The following ENTPD2 variants were observed in gnomAD, a reference collection of about 807,000 sequenced individuals.
ENTPD2 encodes the protein ectonucleoside triphosphate diphosphohydrolase 2.
Under a neutral mutation model 46.8 loss-of-function variants are expected in ENTPD2, and 48 were observed. That is an observed-to-expected ratio of 1.03 (90% CI 0.81 to 1.30). ENTPD2 has a LOEUF of 1.30. ENTPD2 is among the 50% of genes most tolerant of loss of function. ENTPD2 has a pLI of 0.00. For missense variants in ENTPD2, 707 were observed against 651.1 expected, an observed-to-expected ratio of 1.09 and a Z score of -0.93; for synonymous variants, 316 against 286.1, an observed-to-expected ratio of 1.10 and a Z score of -1.06.
In ENTPD2 at chr9:137,048,402, C is replaced by T. The variant is rs1244381318; in HGVS notation, c.*255G>A. On this transcript the variant is annotated 3_prime_UTR_variant, in exon 9 of 9. Transcript: ENST00000355097. ...GGTACCAGAGTCTCAGTTCCTATTT[C>T]CTGGGCTGCCTTAGGGGCAGAGACG... The T allele has an allele frequency of 2.2e-6, 1 of 458,914 alleles. No individual in the cohort carries two copies. Among genetic ancestry groups the T allele is most frequent in the East Asian group, 4.2e-5 (1 of 23,864 alleles). 28.4% of individuals were successfully genotyped at this position (458,914 alleles called of 1,614,324 possible). A position where few individuals can be genotyped will look rare whatever the true frequency, so the allele number is the denominator to read the frequency against.
Position 137,051,123 on chromosome 9 carries a change from A to G in ENTPD2, c.553T>C (p.Trp185Arg). 6.2e-7 allele frequency: 1 copy of G among 1,612,778 alleles called. No individual in the cohort carries two copies. Residue 185 changes from tryptophan (W) to arginine (R), a missense_variant, in exon 5 of 9, where the codon TGG becomes CGG. Trp to Arg is a moderately radical substitution (Grantham distance 101, BLOSUM62 -3). Transcript: ENST00000355097. ...YLLENFIKYGWVGRWFRPRKG... is the reference protein window; with the variant it reads ...YLLENFIKYGRVGRWFRPRKG... Reference sequence around the variant, plus strand: ...CGTGGCCGGAACCACCGGCCCACCCAGCCGTACTGTGGAGAGGGGAGTGTG... The same window carrying G: ...CGTGGCCGGAACCACCGGCCCACCCGGCCGTACTGTGGAGAGGGGAGTGTG...
chr9:137,048,749 C>G lies in ENTPD2; in HGVS notation c.1396G>C (p.Val466Leu). ...RKGTDFSSWVVLLLLFASALL... is the reference protein window; with the variant it reads ...RKGTDFSSWVLLLLLFASALL... ...GCGGAGGCGAAGAGCAGCAGGAGGA[C>G]GACCCAGGAGCTGAAGTCTGTGCCC... Residue 466 changes from valine to leucine, a missense_variant, in exon 9 of 9, where the codon GTC becomes CTC. Coordinates refer to ENST00000355097, the MANE Select transcript of ENTPD2 (RefSeq NM_203468.3). 6.2e-7 allele frequency: 1 copy of G among 1,603,562 alleles called. No individual in the cohort carries two copies. The highest frequency in any genetic ancestry group is 8.5e-7 in the Non-Finnish European group (1 of 1,175,632).
Position 137,054,003 on chromosome 9 carries a change from G to A in ENTPD2, c.-6C>T. On this transcript the variant is annotated 5_prime_UTR_variant, in exon 1 of 9. Coordinates refer to ENST00000355097, the MANE Select transcript of ENTPD2 (RefSeq NM_203468.3). ...GACCGCACCTTCCCGGCCATGGGCG[G>A]GCGGGCGCGCGGGAGGACGATGCGT... The A allele has an allele frequency of 8.3e-7, 1 of 1,206,030 alleles. No homozygotes were observed. Among genetic ancestry groups the A allele is most frequent in the African/African-American group, 1.6e-5 (1 of 63,632 alleles). The allele number at this position is 1,206,030 out of a possible 1,614,324, so 74.7% of individuals were successfully genotyped here. A position where few individuals can be genotyped will look rare whatever the true frequency, so the allele number is the denominator to read the frequency against.
chr9:137,052,097 C>G (rs1241663019), intron 2 of ENTPD2, 134 bp downstream of exon 2: 2 of 793,050 alleles, frequency 2.5e-6, no homozygotes, highest in Non-Finnish European at 4.0e-6. Flanking sequence ...ACCAGCCTCT[C>G]TCTTTCCAGG....
Position 137,050,998 on chromosome 9 carries a change from C to T in ENTPD2, c.678G>A (p.Leu226=). 6.4e-7 allele frequency: 1 copy of T among 1,571,350 alleles called. No homozygotes were observed. The highest frequency in any genetic ancestry group is 8.6e-7 in the Non-Finnish European group (1 of 1,160,894). Residue 226 remains leucine, a synonymous_variant, in exon 5 of 9, where the codon CTG becomes CTA. Transcript: ENST00000355097. ...PAEDRASEVQ[L]HLYGQHYRVY... ...CTCGGTAGTGCTGGCCGTAGAGATG[C>T]AGCTGGACCTCGCTGGCTCTGTCCT...
At position 137,052,364 on chromosome 9, in the gene ENTPD2, AGGGAGTCAGCCT is replaced by A; in HGVS notation, c.118-28_118-17del. On this transcript the variant is annotated splice_polypyrimidine_tract_variant and intron_variant, in intron 1 of 8. Transcript: ENST00000355097. ...CGATGCCATACTGCGGGGGAGGGGGAGGGAGTCAGCCTGGGGTGTCCGGGGGCCCTGACACCC... is the reference window on the plus strand; with the variant it reads ...CGATGCCATACTGCGGGGGAGGGGGAGGGGTGTCCGGGGGCCCTGACACCC... The A allele has an allele frequency of 1.5e-5, 15 of 1,021,450 alleles. No individual in the cohort carries two copies. The highest frequency in any genetic ancestry group is 2.1e-5 in the Non-Finnish European group (14 of 673,294). The allele number at this position is 1,021,450 out of a possible 1,614,324, so 63.3% of individuals were successfully genotyped here.
rs1185812011 is a variant in ENTPD2 at position 137,050,973 on chromosome 9, C to T, written c.703G>A (p.Val235Ile). 1 of 1,524,338 alleles carries T rather than the reference C, an allele frequency of 6.6e-7. No homozygotes were observed. The highest frequency in any genetic ancestry group is 1.7e-5 in the African/African-American group (1 of 57,234). The allele number at this position is 1,524,338 out of a possible 1,614,324, so 94.4% of individuals were successfully genotyped here. Residue 235 changes from valine to isoleucine, a missense_variant, in exon 5 of 9, where the codon GTC becomes ATC. Transcript: ENST00000355097. ...QLHLYGQHYR[V>I]YTHSFLCYGR... is the part of the protein sequence containing the mutation. Reference sequence around the variant, plus strand: ...TAGCAGAGGAAGCTGTGGGTGTAGACTCGGTAGTGCTGGCCGTAGAGATGC... The same window carrying T: ...TAGCAGAGGAAGCTGTGGGTGTAGATTCGGTAGTGCTGGCCGTAGAGATGC...
rs182198212 is a variant in ENTPD2, at chr9:137,051,587, C to T, written c.309G>A (p.Ala103=). 3.9e-4 allele frequency: 621 copies of T among 1,612,760 alleles called. 6 individuals carry two copies. The East Asian group carries it at 0.011, about 29-fold the overall frequency. The change falls in exon 3 of 9, where the codon GCG becomes GCA. Residue 103 remains alanine, a synonymous_variant. Transcript: ENST00000355097. The part of the protein sequence containing the change: ...SQSLVGCLEQ[A]LQDVPKERHA... ...GTCTCTCTTTGGGCACATCCTGAAG[C>T]GCCTGTTCGAGGCATCCAACAAGAC...
Position 137,049,054 on chromosome 9 carries a change from G to A in ENTPD2, c.1171C>T (p.Gln391Ter). The change falls in exon 8 of 9, where the codon CAA becomes TAA. Residue 391 changes from glutamine to a stop codon, truncating the protein, a stop_gained. Coordinates refer to ENST00000355097, the MANE Select transcript of ENTPD2 (RefSeq NM_203468.3). LOFTEE classifies it high-confidence loss of function. The part of the protein sequence containing the change: ...WAQLQARVPG[Q>*]RARLADYCAG... ...CAGTAGTCGGCCAGGCGGGCCCGTT[G>A]CCCTGGCACCCGAGCTTGCAGCTGG... The A allele has an allele frequency of 6.5e-7, 1 of 1,534,048 alleles. No homozygotes were observed. Among genetic ancestry groups the A allele is most frequent in the East Asian group, 2.5e-5 (1 of 40,704 alleles).
At position 137,052,350 on chromosome 9, in the gene ENTPD2, T is replaced by TGGGGGG. The variant is rs765375045; in HGVS notation, c.118-3_118-2insCCCCCC. Reference sequence around the variant, plus strand: ...ACCAGCGTCCAGGACGATGCCATACTGCGGGGGAGGGGGAGGGAGTCAGCC... The same window carrying TGGGGGG: ...ACCAGCGTCCAGGACGATGCCATACTGGGGGGGCGGGGGAGGGGGAGGGAGTCAGCC... On this transcript the variant is annotated splice_polypyrimidine_tract_variant and splice_region_variant and intron_variant, in intron 1 of 8. Coordinates refer to ENST00000355097, the MANE Select transcript of ENTPD2 (RefSeq NM_203468.3). 1.4e-6 allele frequency: 1 copy of TGGGGGG among 691,224 alleles called. No individual in the cohort carries two copies. The highest frequency in any genetic ancestry group is 2.3e-6 in the Non-Finnish European group (1 of 427,076). 42.8% of individuals were successfully genotyped at this position (691,224 alleles called of 1,614,324 possible). A position where few individuals can be genotyped will look rare whatever the true frequency, so the allele number is the denominator to read the frequency against.
intron 3 of ENTPD2, 43 bp downstream of exon 3, chr9:137,051,467 A>G: frequency 3.2e-6 from 5 of 1,556,016 alleles, no homozygotes; most frequent in Non-Finnish European, 4.4e-6. Context: ...GGTCACAGCC[A>G]AAGGCCATCA....
chr9:137,050,333 C>G lies in ENTPD2; in HGVS notation c.980G>C (p.Arg327Pro), dbSNP rs374256982. The G allele has an allele frequency of 3.1e-6, 5 of 1,612,180 alleles. No individual in the cohort carries two copies. Among genetic ancestry groups the G allele is most frequent in the Non-Finnish European group, 4.2e-6 (5 of 1,179,532 alleles). The change falls in exon 6 of 9, where the codon CGA becomes CCA. Residue 327 changes from arginine to proline, a missense_variant. Arg to Pro is a moderately radical substitution (Grantham distance 103). Coordinates refer to ENST00000355097, the MANE Select transcript of ENTPD2 (RefSeq NM_203468.3). ...LFSFSSCPFS[R>P]CSFNGVFQPP... ...CTGGAAGACCCCATTGAAAGAGCATCGGGAGAAGGGGCAGGAGGAGAAGCT... is the reference window on the plus strand; with the variant it reads ...CTGGAAGACCCCATTGAAAGAGCATGGGGAGAAGGGGCAGGAGGAGAAGCT...
chr9:137,048,543 G>C lies in ENTPD2; in HGVS notation c.*114C>G, dbSNP rs1425265241. ...GGGGAGAGAGGTTGGGAGAGGGGTG[G>C]GTGGAGGGGTGGGGATACAGGGGTG... On this transcript the variant is annotated 3_prime_UTR_variant, in exon 9 of 9. Transcript: ENST00000355097. The C allele has an allele frequency of 3.8e-6, 3 of 788,466 alleles. No individual in the cohort carries two copies. The highest frequency in any genetic ancestry group is 5.8e-6 in the Non-Finnish European group (3 of 516,840). The allele number at this position is 788,466 out of a possible 1,614,324, so 48.8% of individuals were successfully genotyped here.
Position 137,050,517 on chromosome 9 carries a change from A to G in ENTPD2, c.796T>C (p.Trp266Arg), listed in dbSNP as rs1440273098. The G allele has an allele frequency of 2.5e-6, 4 of 1,612,544 alleles. No homozygotes were observed. The highest frequency in any genetic ancestry group is 2.2e-5 in the East Asian group (1 of 44,886). Residue 266 changes from tryptophan (W) to arginine (R), a missense_variant, in exon 6 of 9, where the codon TGG (tryptophan) becomes CGG (arginine). Coordinates refer to ENST00000355097, the MANE Select transcript of ENTPD2 (RefSeq NM_203468.3). ...ALQTHGFHPC[W>R]PRGFSTQVLL... The stretch of plus-strand genomic sequence containing the variant: ...ACTTGGGTGGAAAAGCCCCTCGGCC[A>G]GCAGGGGTGGAAGCCGTGGGTCTGG...
chr9:137,051,549 G>C lies in ENTPD2; in HGVS notation c.347C>G (p.Pro116Arg), dbSNP rs769380955. 7 of 1,611,636 alleles carry C rather than the reference G, an allele frequency of 4.3e-6. No homozygotes were observed. The highest frequency in any genetic ancestry group is 1.1e-5 in the South Asian group (1 of 90,926). The change falls in exon 3 of 9, where the codon CCC becomes CGC. Residue 116 changes from proline (P) to arginine (R), a missense_variant. Physicochemically the swap from Pro to Arg is moderately radical, Grantham distance 103. Coordinates refer to ENST00000355097, the MANE Select transcript of ENTPD2 (RefSeq NM_203468.3). ...ACCCGCTGTGGCTCCCAGGTAGAGG[G>C]GTGTGCCCGCGTGTCTCTCTTTGGG... ...DVPKERHAGTPLYLGATAGMR... is the reference protein window; with the variant it reads ...DVPKERHAGTRLYLGATAGMR...
chr9:137,052,003 G>T (rs565386700), intron 2 of ENTPD2, among the ~76,000 whole-genome samples: 1 of 152,174 alleles, frequency 6.6e-6, no homozygotes, highest in African/African-American at 2.4e-5. Context: ...TACTGGGCCC[G>T]GCGAGGCTCA....
Position 137,051,560 on chromosome 9 carries a change from G to T in ENTPD2, c.336C>A (p.His112Gln). 6.2e-7 allele frequency: 1 copy of T among 1,612,516 alleles called. No homozygotes were observed. Among genetic ancestry groups the T allele is most frequent in the Non-Finnish European group, 8.5e-7 (1 of 1,179,780 alleles). The change falls in exon 3 of 9, where the codon CAC (histidine) becomes CAA (glutamine). Residue 112 changes from histidine to glutamine, a missense_variant. Physicochemically the swap from His to Gln is conservative, Grantham distance 24. Coordinates refer to ENST00000355097, the MANE Select transcript of ENTPD2 (RefSeq NM_203468.3). ...QALQDVPKERHAGTPLYLGAT... is the reference protein window; with the variant it reads ...QALQDVPKERQAGTPLYLGAT... ...CTCCCAGGTAGAGGGGTGTGCCCGC[G>T]TGTCTCTCTTTGGGCACATCCTGAA... is the stretch of plus-strand genomic sequence containing the variant.
rs1056883865 is a variant in ENTPD2, at chr9:137,049,938, G to A, written c.1081C>T (p.Leu361=). Reference sequence around the variant, plus strand: ...AGCTGCTGCAGGGTGGCCACGGGCAGCCCCATCGAAGTCCGCAAAAAGTCC... The same window carrying A: ...AGCTGCTGCAGGGTGGCCACGGGCAACCCCATCGAAGTCCGCAAAAAGTCC... ...TVDFLRTSMG[L]PVATLQQLEA... is the part of the protein sequence containing the mutation. Residue 361 remains leucine (L), a synonymous_variant, in exon 7 of 9, where the codon CTG becomes TTG. Transcript: ENST00000355097. The A allele has an allele frequency of 1.2e-6, 2 of 1,612,606 alleles. No individual in the cohort carries two copies. The highest frequency in any genetic ancestry group is 1.7e-6 in the Non-Finnish European group (2 of 1,179,814).
Position 137,048,792 on chromosome 9 carries a change from G to C in ENTPD2, c.1353C>G (p.Asp451Glu). The change falls in exon 9 of 9, where the codon GAC becomes GAG. Residue 451 changes from aspartate to glutamate, a missense_variant. Transcript: ENST00000355097. ...MLNLTNLIPA[D>E]PPGLRKGTDF... Reference sequence around the variant, plus strand: ...CTGTGCCCTTGCGCAGCCCCGGCGGGTCGGCGGGGATCAGGTTGGTCAGGT... The same window carrying C: ...CTGTGCCCTTGCGCAGCCCCGGCGGCTCGGCGGGGATCAGGTTGGTCAGGT... 2.5e-6 allele frequency: 4 copies of C among 1,587,200 alleles called. No homozygotes were observed. The highest frequency in any genetic ancestry group is 3.4e-6 in the Non-Finnish European group (4 of 1,166,184).
Sources: allele counts gnomAD v4.1 joint callset (sites outside exome capture counted in the v4.1 genomes callset), GRCh38; gene constraint gnomAD v4.1.1; transcripts MANE v1.5; gene names NCBI Gene and HGNC (gene_info 2026-07-23, HGNC 2026-07-21).